ABCC1: variants seen among roughly 807,000 people sequenced by gnomAD.
ABCC1 encodes the protein multidrug resistance-associated protein 1.
ABCC1 carries 83 observed loss-of-function variants against 172.9 expected under a neutral mutation model. That is an observed-to-expected ratio of 0.48 (90% confidence interval 0.40 to 0.58). ABCC1 has a LOEUF of 0.58. Among genes scored for constraint, ABCC1 ranks in the 20% least tolerant of loss-of-function variants. The probability of loss-of-function intolerance (pLI) is 0.00; values close to 1 mark genes in which losing one functional copy is unlikely to be tolerated. For synonymous variants in ABCC1, 937 were observed against 825.2 expected (o/e 1.14, Z -2.32); for missense variants, 1,817 against 2,002.7 (o/e 0.91, Z 1.77).
At chr16:16,063,847 G>A (rs2050012067) in intron 12 of ABCC1, among the ~76,000 whole-genome samples, 1 of 152,128 alleles carries the variant, frequency 6.6e-6, no homozygotes, top group Non-Finnish European at 1.5e-5. Context: ...CAAAGCTATG[G>A]GATTGAGTCT....
At chr16:16,066,798 G>A (rs1196446355) in intron 12 of ABCC1, among the ~76,000 whole-genome samples, 1 of 151,968 alleles carries the variant, frequency 6.6e-6, no homozygotes, top group Non-Finnish European at 1.5e-5. Flanking sequence ...CAGCTACTTG[G>A]AGACTGAGGC....
At chr16:16,132,077 T>C in intron 27 of ABCC1, 142 bp downstream of exon 27, 1 of 1,082,030 alleles carries the variant, frequency 9.2e-7, no homozygotes, top group Non-Finnish European at 1.3e-6. Context: ...GGGCTGGGAG[T>C]GGACTGTGGC....
At chr16:16,104,968 G>A (rs564195403) in intron 20 of ABCC1, among the ~76,000 whole-genome samples, 7 of 152,082 alleles carry the variant, frequency 4.6e-5, no homozygotes, top group East Asian at 1.9e-4. Context: ...GCGCTGGCCC[G>A]CAAGCGCCCT....
rs1044995490 is a variant in ABCC1, at chr16:16,041,767, T to C, written c.810-2683T>C. On this transcript the variant is annotated intron_variant, in intron 7 of 30. Transcript: ENST00000399410. Reference sequence around the variant, plus strand: ...CTCTGCATGGCTTCCTGGATCCTTTTACCACCTCTCTTCACCCATGAGTGA... The same window carrying C: ...CTCTGCATGGCTTCCTGGATCCTTTCACCACCTCTCTTCACCCATGAGTGA... Among the ~76,000 whole-genome samples the C allele has an allele frequency of 7.2e-5, 11 of 152,194 alleles. No individual in the cohort carries two copies. The East Asian group carries it at 2.1e-3, about 29-fold the overall frequency.
At chr16:16,089,585 T>C (rs960318471) in intron 18 of ABCC1, among the ~76,000 whole-genome samples, 32 of 150,840 alleles carry the variant, frequency 2.1e-4, no homozygotes, top group African/African-American at 7.8e-4. Context: ...AATTAAGCCA[T>C]TGGGCTGGGC....
At chr16:16,091,005 C>T (rs1028900061) in intron 19 of ABCC1, among the ~76,000 whole-genome samples, 7 of 152,074 alleles carry the variant, frequency 4.6e-5, no homozygotes, top group East Asian at 1.9e-4. Context: ...AGGTGAAGCA[C>T]GGAGTTAAGC....
chr16:16,138,086 G>T (rs1377024871), intron 29 of ABCC1, among the ~76,000 whole-genome samples: 2 of 151,900 alleles, frequency 1.3e-5, no homozygotes, highest in Admixed American at 6.6e-5. Context: ...CAAATTCCTG[G>T]CTTCAAGCTA....
Position 15,984,788 on chromosome 16 carries a change from A to G in ABCC1, c.49-23028A>G, listed in dbSNP as rs566995634. Among the ~76,000 whole-genome samples, 4 of 152,274 alleles carry G rather than the reference A, an allele frequency of 2.6e-5. No individual in the cohort carries two copies. The East Asian group carries it at 5.8e-4, about 22-fold the overall frequency. On this transcript the variant is annotated intron_variant, in intron 1 of 30. Coordinates refer to ENST00000399410, the MANE Select transcript of ABCC1 (RefSeq NM_004996.4). ...CATATGCACACGCATGCATACGTAC[A>G]CACATATATATTTTTTAAAAATTGA...
intron 20 of ABCC1, among the ~76,000 whole-genome samples, chr16:16,104,924 CG>C (rs1251363531): frequency 6.6e-6 from 1 of 152,148 alleles, no homozygotes; most frequent in Non-Finnish European, 1.5e-5. Context: ...GCTCTGAGTG[CG>C]GGGTCCACCG....
intron 12 of ABCC1, among the ~76,000 whole-genome samples, chr16:16,059,657 T>C (rs1330260637): frequency 5.3e-5 from 8 of 151,916 alleles, no homozygotes; most frequent in Non-Finnish European, 1.5e-5. Flanking sequence ...ATACAAAAAT[T>C]AGCTGGAAGT....
At chr16:16,095,283 A>T (rs950830486) in intron 19 of ABCC1, 7 of 152,260 alleles carry the variant, frequency 4.6e-5, no homozygotes, top group Admixed American at 4.6e-4. Context: ...ATTAACCTTC[A>T]TACCTGGAAG....
chr16:15,971,216 ATGTCTTT>A (rs957108438), intron 1 of ABCC1, among the ~76,000 whole-genome samples: 1 of 152,286 alleles, frequency 6.6e-6, no homozygotes, highest in African/African-American at 2.4e-5. Context: ...TTGACTAGGC[ATGTCTTT>A]CACGTAGCGC....
intron 20 of ABCC1, chr16:16,106,417 A>C (rs1383169843): frequency 0.033 from 14 of 430 alleles, no homozygotes; most frequent in African/African-American, 0.053. Context: ...TTGATCTCAG[A>C]AAAAAAAAAA....
intron 1 of ABCC1, among the ~76,000 whole-genome samples, chr16:15,958,253 G>T (rs1234036013): frequency 6.6e-6 from 1 of 152,012 alleles, no homozygotes; most frequent in Non-Finnish European, 1.5e-5. Flanking sequence ...TTACAGGCCC[G>T]CACCACCACA....
At chr16:16,018,920 T>C (rs1892299082) in intron 5 of ABCC1, among the ~76,000 whole-genome samples, 1 of 152,092 alleles carries the variant, frequency 6.6e-6, no homozygotes, top group South Asian at 2.1e-4. Flanking sequence ...AGAGGATCGC[T>C]TGAGCCCAGG....
At chr16:16,036,162 AAAG>A (rs1308036836) in intron 6 of ABCC1, among the ~76,000 whole-genome samples, 1 of 152,006 alleles carries the variant, frequency 6.6e-6, no homozygotes, top group Non-Finnish European at 1.5e-5. Flanking sequence ...AAAAAATAAA[AAAG>A]AGCTATCCTG....
chr16:15,972,094 G>A (rs546695367), intron 1 of ABCC1, among the ~76,000 whole-genome samples: 5 of 151,660 alleles, frequency 3.3e-5, no homozygotes, highest in African/African-American at 4.8e-5. Context: ...CATGCTGGGT[G>A]GTTGCTGTAA....
intron 7 of ABCC1, among the ~76,000 whole-genome samples, chr16:16,040,835 T>C (rs1597158413): frequency 6.6e-6 from 1 of 152,110 alleles, no homozygotes; most frequent in East Asian, 1.9e-4. Flanking sequence ...AGGTGGATAT[T>C]TAGGGACAAG....
intron 1 of ABCC1, among the ~76,000 whole-genome samples, chr16:15,997,042 G>A (rs2047080878): frequency 6.6e-6 from 1 of 152,096 alleles, no homozygotes; most frequent in Non-Finnish European, 1.5e-5. Flanking sequence ...GTCCAGCAAG[G>A]AGAAGCCTCT....
Sources: allele counts gnomAD v4.1 joint callset (sites outside exome capture counted in the v4.1 genomes callset), GRCh38; gene constraint gnomAD v4.1.1; transcripts MANE v1.5; gene names NCBI Gene and HGNC (gene_info 2026-07-23, HGNC 2026-07-21).